The following ZBTB46 variants were observed in gnomAD, a reference collection of about 807,000 sequenced individuals.
ZBTB46 encodes zinc finger and BTB domain-containing protein 46.
ZBTB46 carries 8 observed loss-of-function variants against 44.1 expected under a neutral mutation model. The ratio of observed to expected loss-of-function variants is 0.18; its 90% CI spans 0.11 to 0.33. ZBTB46 has a LOEUF of 0.33. ZBTB46 is among the 10% of genes least tolerant of loss of function. The probability of loss-of-function intolerance (pLI) is 1.00; values close to 1 mark genes in which losing one functional copy is unlikely to be tolerated. For synonymous variants in ZBTB46, 409 were observed against 382.3 expected, an observed-to-expected ratio of 1.07 and a Z score of -0.81; for missense variants, 651 against 847.7, an observed-to-expected ratio of 0.77 and a Z score of 2.88.
intron 2 of ZBTB46, 122 bp downstream of exon 2, chr20:63,789,699 A>G (rs1263814960): frequency 6.8e-7 from 1 of 1,466,786 alleles, no homozygotes; most frequent in Non-Finnish European, 9.1e-7. Flanking sequence ...CTGTAAGAGG[A>G]AGTGACCCTA....
chr20:63,776,389 C>T (rs2092425987), intron 2 of ZBTB46, among the ~76,000 whole-genome samples: 1 of 152,246 alleles, frequency 6.6e-6, no homozygotes, highest in Non-Finnish European at 1.5e-5. Context: ...CTATAAAATT[C>T]TTAGAAGAAA....
intron 1 of ZBTB46, among the ~76,000 whole-genome samples, chr20:63,802,728 A>T (rs2092656417): frequency 1.4e-5 from 2 of 145,736 alleles, no homozygotes; most frequent in Non-Finnish European, 1.5e-5. Context: ...GCACCCTCCC[A>T]GGAACCGCGG....
chr20:63,804,214 G>A (rs574399585), intron 1 of ZBTB46, among the ~76,000 whole-genome samples: 6 of 152,254 alleles, frequency 3.9e-5, no homozygotes, highest in South Asian at 4.1e-4. Flanking sequence ...CCAGTCACAC[G>A]CAGGGGAAGC....
chr20:63,798,955 C>A (rs1036712555), intron 1 of ZBTB46, among the ~76,000 whole-genome samples: 15 of 152,052 alleles, frequency 9.9e-5, no homozygotes, highest in African/African-American at 3.6e-4. Context: ...CTGGGGAAGA[C>A]AAAGGTGGCC....
At chr20:63,816,217 G>A in intron 1 of ZBTB46, 1 of 236,222 alleles carries the variant, frequency 4.2e-6, no homozygotes, top group Admixed American at 5.2e-5. Context: ...CAAAGGGGGT[G>A]CCCAGAGGAG....
At chr20:63,751,961 G>A (rs1437932981) in intron 4 of ZBTB46, among the ~76,000 whole-genome samples, 2 of 152,046 alleles carry the variant, frequency 1.3e-5, no homozygotes, top group African/African-American at 4.8e-5. Flanking sequence ...AGCCTCTTCC[G>A]CCCCGACAGC....
chr20:63,759,067 C>T (rs2092251391), intron 3 of ZBTB46, among the ~76,000 whole-genome samples: 1 of 151,988 alleles, frequency 6.6e-6, no homozygotes, highest in African/African-American at 2.4e-5. Context: ...GTCTTCTCCT[C>T]CATGAACATA....
chr20:63,818,796 T>G (rs1397560700), intron 1 of ZBTB46, among the ~76,000 whole-genome samples: 2 of 136,680 alleles, frequency 1.5e-5, no homozygotes, highest in African/African-American at 5.7e-5. Context: ...AGGCAGAGGT[T>G]GCAAGGCAGA....
chr20:63,750,971 A>T (rs2092155271), intron 4 of ZBTB46, among the ~76,000 whole-genome samples: 1 of 152,188 alleles, frequency 6.6e-6, no homozygotes, highest in Admixed American at 6.5e-5. Flanking sequence ...ACTGAACCTC[A>T]AACAGGATCA....
chr20:63,804,503 G>T (rs1161513497), intron 1 of ZBTB46, among the ~76,000 whole-genome samples: 1 of 152,040 alleles, frequency 6.6e-6, no homozygotes, highest in African/African-American at 2.4e-5. Context: ...CAGCACACAT[G>T]CCACCTCGCT....
chr20:63,829,799 G>C (rs1190601619), intron 1 of ZBTB46, among the ~76,000 whole-genome samples: 1 of 152,224 alleles, frequency 6.6e-6, no homozygotes, highest in Non-Finnish European at 1.5e-5. Context: ...GTGCCTTGCA[G>C]AGGCAGCGTG....
At chr20:63,761,601 G>C (rs1353547609) in intron 3 of ZBTB46, among the ~76,000 whole-genome samples, 1 of 152,020 alleles carries the variant, frequency 6.6e-6, no homozygotes, top group Non-Finnish European at 1.5e-5. Context: ...GGCCAATATA[G>C]TGGAACTCTG....
upstream of ZBTB46, among the ~76,000 whole-genome samples, chr20:63,832,681 G>A (rs1206460496): frequency 1.3e-5 from 2 of 152,070 alleles, no homozygotes; most frequent in African/African-American, 4.8e-5. The surrounding 1 kb of genome is among the most constrained non-coding windows in gnomAD (Gnocchi z 5.0). Flanking sequence ...AGGTCGCCGG[G>A]ATGGCACTGC....
chr20:63,765,606 T>C (rs1338234750), intron 3 of ZBTB46, among the ~76,000 whole-genome samples: 1 of 152,198 alleles, frequency 6.6e-6, no homozygotes, highest in African/African-American at 2.4e-5. Flanking sequence ...TTTTAAACTT[T>C]TTCTGTAGAG....
At chr20:63,759,508 A>G (rs571016967) in intron 3 of ZBTB46, among the ~76,000 whole-genome samples, 2 of 152,276 alleles carry the variant, frequency 1.3e-5, no homozygotes, top group East Asian at 3.9e-4. Flanking sequence ...CACAGGCATG[A>G]GCCACAGTGC....
rs146083317 is a variant in ZBTB46, at chr20:63,778,027, T to C, written c.938-2065A>G. Among the ~76,000 whole-genome samples, 4 of 152,220 alleles carry C rather than the reference T, an allele frequency of 2.6e-5. No homozygotes were observed. In the East Asian group the frequency reaches 7.7e-4, roughly 29 times the overall value. ...TAGGTTTGTGGCTGCAAAAAGGGGCTGGGGAGGGGTCTCGGATGAGGGCTA... is the reference window on the plus strand; with the variant it reads ...TAGGTTTGTGGCTGCAAAAAGGGGCCGGGGAGGGGTCTCGGATGAGGGCTA... On this transcript the variant is annotated intron_variant, in intron 2 of 4. Transcript: ENST00000245663.
At chr20:63,776,826 C>A (rs2092429725) in intron 2 of ZBTB46, among the ~76,000 whole-genome samples, 1 of 151,664 alleles carries the variant, frequency 6.6e-6, no homozygotes, top group African/African-American at 2.4e-5. Context: ...AAATTGCAAC[C>A]TATATATCTG....
At chr20:63,749,518 A>G (rs2092138774) in intron 4 of ZBTB46, among the ~76,000 whole-genome samples, 3 of 152,054 alleles carry the variant, frequency 2.0e-5, no homozygotes, top group South Asian at 4.1e-4. Context: ...TTGTATTTTT[A>G]GTAGAGACGG....
chr20:63,806,565 CT>C (rs967362940), intron 1 of ZBTB46, among the ~76,000 whole-genome samples: 3 of 152,080 alleles, frequency 2.0e-5, no homozygotes, highest in African/African-American at 7.2e-5. Context: ...GTTGTAATAC[CT>C]GCTTAAAATA....
Sources: allele counts gnomAD v4.1 joint callset (sites outside exome capture counted in the v4.1 genomes callset), GRCh38; gene constraint gnomAD v4.1.1; non-coding constraint Gnocchi (gnomAD v3.1); transcripts MANE v1.5; gene names NCBI Gene and HGNC (gene_info 2026-07-23, HGNC 2026-07-21).